Variants in PTPRC observed in about 807,000 individuals in gnomAD.
The protein encoded by PTPRC is receptor-type tyrosine-protein phosphatase C.
PTPRC carries 44 observed loss-of-function variants against 155.9 expected under a neutral mutation model. The observed-to-expected ratio is 0.28, with a 90% CI of 0.22 to 0.36. The LOEUF is 0.36. Among genes scored for constraint, PTPRC ranks in the 10% least tolerant of loss-of-function variants. The pLI, the probability that PTPRC is intolerant of heterozygous loss-of-function variation, is 1.00. For missense variants in PTPRC, 1,401 were observed against 1,564.6 expected (o/e 0.90, Z 1.76); for synonymous variants, 525 against 533.1 (o/e 0.98, Z 0.21).
intron 10 of PTPRC, among the ~76,000 whole-genome samples, chr1:198,709,292 C>T (rs1653161108): frequency 6.6e-6 from 1 of 151,990 alleles, no homozygotes. Context: ...AGAAACATAA[C>T]ACAGAATTTA....
intron 11 of PTPRC, 88 bp from the exon 12 acceptor site, chr1:198,712,865 G>A (rs1653382378): frequency 1.5e-6 from 2 of 1,338,642 alleles, no homozygotes; most frequent in Non-Finnish European, 2.1e-6. Flanking sequence ...TCAAAATATG[G>A]TTATCAATAA....
chr1:198,643,398 G>A (rs1662751986), intron 2 of PTPRC, among the ~76,000 whole-genome samples: 1 of 151,754 alleles, frequency 6.6e-6, no homozygotes. Flanking sequence ...TTTCAAAGAG[G>A]GAAGTCAAAA....
chr1:198,653,354 A>G (rs1179822329), intron 2 of PTPRC, among the ~76,000 whole-genome samples: 3 of 151,846 alleles, frequency 2.0e-5, no homozygotes, highest in Admixed American at 2.0e-4. Flanking sequence ...GAAAAACGAT[A>G]AAGGAGTATA....
intron 2 of PTPRC, among the ~76,000 whole-genome samples, chr1:198,650,404 A>G (rs1663180845): frequency 6.6e-6 from 1 of 151,842 alleles, no homozygotes; most frequent in African/African-American, 2.4e-5. Context: ...GGGGATGGTG[A>G]TCTGGACCAA....
chr1:198,668,545 A>G (rs999347596), intron 2 of PTPRC, among the ~76,000 whole-genome samples: 3 of 152,238 alleles, frequency 2.0e-5, no homozygotes, highest in Non-Finnish European at 2.9e-5. Flanking sequence ...TCATAACACT[A>G]TAAGGAATTA....
intron 20 of PTPRC, 128 bp from the exon 21 acceptor site, chr1:198,734,068 A>G (rs1654515216): frequency 2.3e-6 from 2 of 884,940 alleles, no homozygotes. Flanking sequence ...AATACTTTGA[A>G]ACTGCCCAGA....
chr1:198,652,822 A>C (rs1663328745), intron 2 of PTPRC, among the ~76,000 whole-genome samples: 2 of 151,778 alleles, frequency 1.3e-5, no homozygotes, highest in South Asian at 4.1e-4. Flanking sequence ...CTTTGAAATA[A>C]AAGATTTTCC....
At position 198,745,793 on chromosome 1, in the gene PTPRC, A is replaced by T. The variant is rs568379829; in HGVS notation, c.2847+1590A>T. Among the ~76,000 whole-genome samples the T allele has an allele frequency of 4.6e-5, 7 of 151,864 alleles. No individual in the cohort carries two copies. The South Asian group carries it at 8.3e-4, about 18-fold the overall frequency. ...AGTTGAGGGTGTTTACAAATGAATGATGACTGAGGTGGAAAATAAAAAGCA... is the reference window on the plus strand; with the variant it reads ...AGTTGAGGGTGTTTACAAATGAATGTTGACTGAGGTGGAAAATAAAAAGCA... On this transcript the variant is annotated intron_variant, in intron 26 of 32. Transcript: ENST00000442510.
rs144883975 is a variant in PTPRC, at chr1:198,656,000, G to C, written c.73+16659G>C. ...CTAAGCATCACTCACCATGAAGTTC[G>C]TTGGGTACTCTATACAATGAACAAA... On this transcript the variant is annotated intron_variant, in intron 2 of 32. Transcript: ENST00000442510. Among the ~76,000 whole-genome samples the C allele has an allele frequency of 2.5e-4, 38 of 152,110 alleles. No homozygotes were observed. The East Asian group carries it at 7.0e-3, about 28-fold the overall frequency.
chr1:198,693,890 C>A, intron 3 of PTPRC: 1 of 1,171,522 alleles, frequency 8.5e-7, no homozygotes, highest in Non-Finnish European at 1.1e-6. Context: ...GAATGCTACT[C>A]ATCAAAATAG....
intron 2 of PTPRC, among the ~76,000 whole-genome samples, chr1:198,685,635 T>G (rs999136016): frequency 2.0e-5 from 3 of 151,470 alleles, no homozygotes; most frequent in African/African-American, 7.3e-5. Flanking sequence ...ATAAAAAAAG[T>G]GCAATTCTCT....
intron 14 of PTPRC, among the ~76,000 whole-genome samples, chr1:198,721,093 C>T (rs569402401): frequency 2.6e-4 from 39 of 152,232 alleles, no homozygotes; most frequent in African/African-American, 8.9e-4. Flanking sequence ...TATTCAGTTT[C>T]GAATTCTCTT....
chr1:198,699,766 G>A, intron 5 of PTPRC, 62 bp downstream of exon 5: 2 of 1,602,550 alleles, frequency 1.2e-6, no homozygotes, highest in Non-Finnish European at 1.7e-6. Flanking sequence ...CTGTATTTAA[G>A]AATGGTGTGA....
chr1:198,656,639 G>GTTTTTTTT (rs201088832), intron 2 of PTPRC, among the ~76,000 whole-genome samples: 1 of 85,140 alleles, frequency 1.2e-5, no homozygotes, highest in African/African-American at 5.2e-5. Flanking sequence ...AGGGCTACTA[G>GTTTTTTTT]TTTTTTGTTT....
intron 3 of PTPRC, 36 bp downstream of exon 3, chr1:198,692,409 T>G: frequency 7.5e-7 from 1 of 1,334,830 alleles, no homozygotes; most frequent in Non-Finnish European, 9.9e-7. Flanking sequence ...CTAATTTTAT[T>G]TTCTTGTTGC....
chr1:198,741,811 A>G, intron 23 of PTPRC, 58 bp from the exon 24 acceptor site: 6 of 1,532,206 alleles, frequency 3.9e-6, no homozygotes, highest in Non-Finnish European at 5.4e-6. Flanking sequence ...CCACTTATTT[A>G]TGTTTCATAG....
chr1:198,721,603 CTTTAA>C (rs1158830455), intron 14 of PTPRC, among the ~76,000 whole-genome samples: 1 of 151,836 alleles, frequency 6.6e-6, no homozygotes, highest in African/African-American at 2.4e-5. Context: ...ATTTCTGGTG[CTTTAA>C]TTTCTTATTG....
At chr1:198,730,141 C>T (rs985686814) in intron 17 of PTPRC, among the ~76,000 whole-genome samples, 1 of 151,892 alleles carries the variant, frequency 6.6e-6, no homozygotes, top group Non-Finnish European at 1.5e-5. Context: ...AGAAATTGAA[C>T]CTTTGTTTAC....
intron 2 of PTPRC, among the ~76,000 whole-genome samples, chr1:198,643,293 T>A (rs1662745076): frequency 6.6e-6 from 1 of 151,738 alleles, no homozygotes; most frequent in East Asian, 1.9e-4. Context: ...AGGCATAAAC[T>A]CATAGTTCCC....
Sources: allele counts gnomAD v4.1 joint callset (sites outside exome capture counted in the v4.1 genomes callset), GRCh38; gene constraint gnomAD v4.1.1; transcripts MANE v1.5; gene names NCBI Gene and HGNC (gene_info 2026-07-23, HGNC 2026-07-21).